The following SLC16A4 variants were observed in gnomAD, a reference collection of about 807,000 sequenced individuals.
SLC16A4 encodes probable monocarboxylate transporter 5.
In SLC16A4, 39 loss-of-function variants were observed where a neutral mutation model predicts 47.9. The ratio of observed to expected loss-of-function variants is 0.81; its 90% CI spans 0.63 to 1.06. SLC16A4 has a LOEUF of 1.06. Ranked by LOEUF, SLC16A4 falls within the 50% of genes least tolerant of loss-of-function variation. The pLI is 0.00. For synonymous variants in SLC16A4, 189 were observed against 199.9 expected (o/e 0.95, Z 0.46); for missense variants, 524 against 573.8 (o/e 0.91, Z 0.89).
In SLC16A4 at chr1:110,363,665, C is replaced by T. The variant is rs1661203241; in HGVS notation, c.*101G>A. On this transcript the variant is annotated 3_prime_UTR_variant, in exon 9 of 9. Coordinates refer to ENST00000369779, the MANE Select transcript of SLC16A4 (RefSeq NM_004696.3). ...AAAAATTGTTTTCCTTCTCATGTTA[C>T]AAATGTAGATGCGATGTGTTTCTTT... is the stretch of plus-strand genomic sequence containing the variant. 1.1e-6 allele frequency: 1 copy of T among 952,056 alleles called. No individual in the cohort carries two copies. Among genetic ancestry groups the T allele is most frequent in the Non-Finnish European group, 1.5e-6 (1 of 675,012 alleles). 59.0% of individuals were successfully genotyped at this position (952,056 alleles called of 1,614,324 possible). A position where few individuals can be genotyped will look rare whatever the true frequency, so the allele number is the denominator to read the frequency against.
At chr1:110,373,977 C>T (rs1052914432) in intron 8 of SLC16A4, among the ~76,000 whole-genome samples, 1 of 125,678 alleles carries the variant, frequency 8.0e-6, no homozygotes, top group African/African-American at 2.6e-5. Context: ...ATGCCAGGCC[C>T]TCTCAGTAAC....
At chr1:110,366,676 A>G (rs1413688946) in intron 8 of SLC16A4, among the ~76,000 whole-genome samples, 1 of 152,210 alleles carries the variant, frequency 6.6e-6, no homozygotes, top group Non-Finnish European at 1.5e-5. Context: ...TCTACCATAT[A>G]GCCTAGGTGT....
intron 8 of SLC16A4, chr1:110,375,170 C>G: frequency 4.1e-6 from 1 of 241,624 alleles, no homozygotes. Flanking sequence ...GTCTTTGAGG[C>G]TCTGAAAAAA....
At chr1:110,368,006 T>A (rs1360987056) in intron 8 of SLC16A4, among the ~76,000 whole-genome samples, 1 of 152,098 alleles carries the variant, frequency 6.6e-6, no homozygotes, top group Non-Finnish European at 1.5e-5. Flanking sequence ...TTTTTTGTAT[T>A]TTTAGTAGAG....
Position 110,363,625 on chromosome 1 carries a change from C to CA in SLC16A4, c.*140dup, listed in dbSNP as rs57148886. ...TGGGCGAAAGAGCGAGACTCCGTCT[C>CA]AAAAAAAAAAAAAAAAAAATTGTTT... On this transcript the variant is annotated 3_prime_UTR_variant, in exon 9 of 9. Transcript: ENST00000369779. The CA allele has an allele frequency of 0.29, 139,459 of 485,206 alleles. 4,059 individuals carry two copies. Among genetic ancestry groups the CA allele is most frequent in the Non-Finnish European group, 0.31 (104,778 of 342,776 alleles). 30.1% of individuals were successfully genotyped at this position (485,206 alleles called of 1,614,324 possible). A position where few individuals can be genotyped will look rare whatever the true frequency, so the allele number is the denominator to read the frequency against.
chr1:110,380,054 G>T, intron 5 of SLC16A4, among the ~76,000 whole-genome samples: 1 of 52,176 alleles, frequency 1.9e-5, no homozygotes. Context: ...GAGAGAGCCT[G>T]TCTCAAAAAA....
chr1:110,375,366 T>C, intron 8 of SLC16A4, 92 bp downstream of exon 8: 1 of 765,204 alleles, frequency 1.3e-6, no homozygotes. Context: ...TCTTTTAACC[T>C]GATACCATCA....
chr1:110,376,246 AAGGAGTTAATTTC>A (rs1661993756), intron 7 of SLC16A4, among the ~76,000 whole-genome samples: 1 of 152,194 alleles, frequency 6.6e-6, no homozygotes, highest in Non-Finnish European at 1.5e-5. Context: ...CAGATATCAC[AAGGAGTTAATTTC>A]AGCTTTAGGA....
chr1:110,382,913 G>A lies in SLC16A4; in HGVS notation c.141C>T (p.Val47=). 6.2e-7 allele frequency: 1 copy of A among 1,612,154 alleles called. No individual in the cohort carries two copies. Among genetic ancestry groups the A allele is most frequent in the Non-Finnish European group, 8.5e-7 (1 of 1,178,770 alleles). Reference sequence around the variant, plus strand: ...AGGTGCCTTCAAACTCTTCTTGAAAGACCACAAAGAAAATTGCAAAAGTCT... The same window carrying A: ...AGGTGCCTTCAAACTCTTCTTGAAAAACCACAAAGAAAATTGCAAAAGTCT... The part of the protein sequence containing the change: ...MTKTFAIFFV[V]FQEEFEGTSE... Residue 47 remains valine (V), a synonymous_variant, in exon 3 of 9, where the codon GTC becomes GTT. Coordinates refer to ENST00000369779, the MANE Select transcript of SLC16A4 (RefSeq NM_004696.3).
intron 2 of SLC16A4, among the ~76,000 whole-genome samples, chr1:110,386,034 A>G (rs1485122656): frequency 1.3e-5 from 2 of 152,198 alleles, no homozygotes; most frequent in Non-Finnish European, 2.9e-5. Flanking sequence ...CTTTTGTTCT[A>G]TGGACGTGGG....
intron 7 of SLC16A4, among the ~76,000 whole-genome samples, 173 bp from the exon 8 acceptor site, chr1:110,375,724 G>A (rs1341345410): frequency 1.3e-5 from 2 of 152,150 alleles, no homozygotes; most frequent in African/African-American, 2.4e-5. Flanking sequence ...GACTAATAGC[G>A]AACAGTAAAT....
chr1:110,387,586 T>C (rs1248389042), intron 2 of SLC16A4, among the ~76,000 whole-genome samples: 2 of 152,224 alleles, frequency 1.3e-5, no homozygotes, highest in African/African-American at 2.4e-5. Flanking sequence ...ACAGTGTTTA[T>C]TAATCTGGTT....
At chr1:110,378,069 T>G (rs1662113110) in intron 6 of SLC16A4, among the ~76,000 whole-genome samples, 1 of 152,212 alleles carries the variant, frequency 6.6e-6, no homozygotes, top group Non-Finnish European at 1.5e-5. Context: ...GGCCTCATGA[T>G]CCACCTGCCT....
At chr1:110,364,205 A>T (rs550816614) in intron 8 of SLC16A4, among the ~76,000 whole-genome samples, 2 of 152,342 alleles carry the variant, frequency 1.3e-5, no homozygotes, top group South Asian at 4.1e-4. Flanking sequence ...TTCCAGAGAA[A>T]AAAAGAAGTG....
intron 8 of SLC16A4, chr1:110,371,613 C>T (rs1051061365): frequency 2.6e-5 from 4 of 152,194 alleles, no homozygotes; most frequent in Admixed American, 1.3e-4. Flanking sequence ...CCACAGCCTT[C>T]CAAGGCTTCC....
intron 8 of SLC16A4, among the ~76,000 whole-genome samples, chr1:110,365,148 G>C (rs956921412): frequency 6.6e-6 from 1 of 152,012 alleles, no homozygotes; most frequent in Non-Finnish European, 1.5e-5. Context: ...TTTCAGTGCT[G>C]TATGGCAGCA....
intron 2 of SLC16A4, among the ~76,000 whole-genome samples, chr1:110,383,273 G>T (rs1405617781): frequency 6.6e-6 from 1 of 152,178 alleles, no homozygotes; most frequent in African/African-American, 2.4e-5. Flanking sequence ...CTGCTGCCTA[G>T]ATACAGTTGA....
intron 8 of SLC16A4, 160 bp downstream of exon 8, chr1:110,375,298 G>A: frequency 1.6e-6 from 1 of 612,368 alleles, no homozygotes; most frequent in Non-Finnish European, 3.0e-6. Flanking sequence ...TGAGCCTTCA[G>A]ATTTTCCTGC....
chr1:110,381,180 C>G (rs756734867), intron 4 of SLC16A4, 37 bp from the exon 5 acceptor site: 4 of 1,586,088 alleles, frequency 2.5e-6, no homozygotes, highest in Non-Finnish European at 3.5e-6. Flanking sequence ...ATCACTCTTA[C>G]ATTAAGTGGC....
Sources: allele counts gnomAD v4.1 joint callset (sites outside exome capture counted in the v4.1 genomes callset), GRCh38; gene constraint gnomAD v4.1.1; transcripts MANE v1.5; gene names NCBI Gene and HGNC (gene_info 2026-07-23, HGNC 2026-07-21).